Variants in TTC27 observed in about 807,000 individuals in gnomAD.
TTC27 encodes tetratricopeptide repeat domain 27, also known as tetratricopeptide repeat protein 27.
In TTC27, 79 loss-of-function variants were observed where a neutral mutation model predicts 115.9. The ratio of observed to expected loss-of-function variants is 0.68; its 90% CI spans 0.57 to 0.82. TTC27 has a LOEUF of 0.82. Ranked by LOEUF, TTC27 falls within the 40% of genes least tolerant of loss-of-function variation. The pLI is 0.00. For missense variants in TTC27, 1,054 were observed against 993.1 expected, an observed-to-expected ratio of 1.06 and a Z score of -0.82; for synonymous variants, 401 against 356.0, an observed-to-expected ratio of 1.13 and a Z score of -1.42.
At chr2:32,650,269 G>A (rs770122031) in intron 5 of TTC27, 36 bp downstream of exon 5, 3 of 1,523,242 alleles carry the variant, frequency 2.0e-6, no homozygotes, top group Non-Finnish European at 1.8e-6. Context: ...TGGGCATGTA[G>A]CTCAGTTCTA....
intron 10 of TTC27, among the ~76,000 whole-genome samples, chr2:32,718,478 A>G (rs550117866): frequency 6.6e-6 from 1 of 152,286 alleles, no homozygotes; most frequent in South Asian, 2.1e-4. Context: ...TGTTTTATAG[A>G]TACAGTATCT....
intron 3 of TTC27, among the ~76,000 whole-genome samples, chr2:32,636,727 G>C (rs1428866339): frequency 6.6e-6 from 1 of 152,196 alleles, no homozygotes; most frequent in African/African-American, 2.4e-5. Context: ...ATGGAAATGA[G>C]TTTCATGAGA....
At chr2:32,758,000 C>T (rs979427807) in intron 12 of TTC27, among the ~76,000 whole-genome samples, 1 of 152,138 alleles carries the variant, frequency 6.6e-6, no homozygotes, top group Non-Finnish European at 1.5e-5. Flanking sequence ...CCACGTCTGG[C>T]GAAAAACAAC....
chr2:32,706,075 C>CTGT (rs757011051), intron 10 of TTC27, among the ~76,000 whole-genome samples: 9 of 83,050 alleles, frequency 1.1e-4, no homozygotes, highest in Non-Finnish European at 2.1e-4. Context: ...ATTTACCTTA[C>CTGT]TCTTTTTTTT....
intron 5 of TTC27, among the ~76,000 whole-genome samples, chr2:32,653,070 G>C (rs1332363122): frequency 2.0e-5 from 3 of 152,118 alleles, no homozygotes; most frequent in Non-Finnish European, 2.9e-5. Flanking sequence ...CTAAATGAAA[G>C]CATGCTTCTC....
intron 15 of TTC27, among the ~76,000 whole-genome samples, chr2:32,784,811 C>T (rs914923269): frequency 6.6e-6 from 1 of 152,056 alleles, no homozygotes; most frequent in Admixed American, 6.6e-5. Context: ...CACCCCCAAC[C>T]CCTGTGGATG....
chr2:32,630,048 C>T (rs1302650534), intron 1 of TTC27, among the ~76,000 whole-genome samples: 1 of 151,948 alleles, frequency 6.6e-6, no homozygotes, highest in East Asian at 1.9e-4. Context: ...GTTCAACAGG[C>T]GATATCACAA....
chr2:32,732,311 G>A (rs1558315288), intron 10 of TTC27, among the ~76,000 whole-genome samples: 2 of 152,344 alleles, frequency 1.3e-5, no homozygotes, highest in East Asian at 3.9e-4. Context: ...TGGTTTAGGA[G>A]TCTGGTTATG....
intron 10 of TTC27, among the ~76,000 whole-genome samples, chr2:32,710,792 C>T (rs1667549120): frequency 6.6e-6 from 1 of 151,724 alleles, no homozygotes; most frequent in South Asian, 2.1e-4. Context: ...TATCAAATAA[C>T]AAGAATGTGT....
chr2:32,667,064 C>G (rs1449967211), intron 7 of TTC27, among the ~76,000 whole-genome samples: 1 of 151,916 alleles, frequency 6.6e-6, no homozygotes, highest in Admixed American at 6.6e-5. Flanking sequence ...TATGTATTAC[C>G]CCTCTTGAAG....
intron 12 of TTC27, among the ~76,000 whole-genome samples, chr2:32,755,846 A>T (rs60396700): frequency 0.016 from 2,384 of 152,298 alleles, 57 homozygotes; most frequent in African/African-American, 0.055. Context: ...TGTCTAGTGA[A>T]CTTGGAAACA....
chr2:32,734,617 G>A (rs1451942565), intron 11 of TTC27, among the ~76,000 whole-genome samples: 2 of 152,120 alleles, frequency 1.3e-5, no homozygotes, highest in South Asian at 4.1e-4. Context: ...TATAGGTGTA[G>A]TTCCCTATTT....
chr2:32,729,822 G>C lies in TTC27; in HGVS notation c.1234-4006G>C, dbSNP rs73922793. The stretch of plus-strand genomic sequence containing the variant: ...GGGTATATTTGCTTCTTCTCCCCCT[G>C]TCTCCATTTTTGACATTATCATCTT... On this transcript the variant is annotated intron_variant, in intron 10 of 19. Transcript: ENST00000317907. Among the ~76,000 whole-genome samples the C allele has an allele frequency of 3.3e-3, 504 of 151,964 alleles. 3 individuals are homozygous for C. Among genetic ancestry groups the C allele is most frequent in the African/African-American group, 0.011 (468 of 41,436 alleles).
chr2:32,711,263 G>A (rs576210573), intron 10 of TTC27, among the ~76,000 whole-genome samples: 7 of 152,240 alleles, frequency 4.6e-5, no homozygotes, highest in South Asian at 2.1e-4. Context: ...AGAGAGTTGC[G>A]TAGTCCACTA....
At chr2:32,782,593 A>C in intron 14 of TTC27, 33 bp from the exon 15 acceptor site, 1 of 1,597,452 alleles carries the variant, frequency 6.3e-7, no homozygotes, top group Non-Finnish European at 8.6e-7. Flanking sequence ...CTAAATGAGA[A>C]GAGTTAATTA....
Position 32,628,131 on chromosome 2 carries a change from G to C in TTC27, c.-162G>C, listed in dbSNP as rs2063522726. ...GCGCTGCTGTTATGGCCGCCTCCTT[G>C]AGGTAGTATCCGCACATGGAATTCT... On this transcript the variant is annotated 5_prime_UTR_variant, in exon 1 of 20. Transcript: ENST00000317907. 1 of 652,906 alleles carries C rather than the reference G, an allele frequency of 1.5e-6. No homozygotes were observed. Among genetic ancestry groups the C allele is most frequent in the South Asian group, 1.9e-5 (1 of 53,636 alleles). 40.4% of individuals were successfully genotyped at this position (652,906 alleles called of 1,614,324 possible).
intron 10 of TTC27, among the ~76,000 whole-genome samples, chr2:32,725,137 T>C (rs1488574829): frequency 6.6e-6 from 1 of 152,158 alleles, no homozygotes; most frequent in Non-Finnish European, 1.5e-5. Flanking sequence ...AGGATGAGAT[T>C]TGAGTGGGGA....
At chr2:32,709,355 C>G (rs1667497725) in intron 10 of TTC27, among the ~76,000 whole-genome samples, 1 of 152,156 alleles carries the variant, frequency 6.6e-6, no homozygotes, top group Non-Finnish European at 1.5e-5. Flanking sequence ...GTTAATATCA[C>G]TGGTGATAAA....
At chr2:32,723,988 T>TTTTTTTTTTTTTTTTTTA (rs1668028731) in intron 10 of TTC27, among the ~76,000 whole-genome samples, 1 of 148,768 alleles carries the variant, frequency 6.7e-6, no homozygotes, top group Non-Finnish European at 1.5e-5. Context: ...TTTTTTTTTT[T>TTTTTTTTTTTTTTTTTTA]ATAGAAAGGA....
Sources: gnomAD v4.1 joint callset for allele counts (sites outside exome capture counted in the v4.1 genomes callset) on GRCh38, gnomAD v4.1.1 for gene constraint, MANE v1.5 for transcripts, NCBI Gene and HGNC (gene_info 2026-07-23, HGNC 2026-07-21) for gene names.